Variants in SOX5 observed in about 807,000 individuals in gnomAD.
SOX5 encodes SRY-box transcription factor 5.
SOX5 carries 9 observed loss-of-function variants against 92.0 expected under a neutral mutation model. The ratio of observed to expected loss-of-function variants is 0.10; its 90% confidence interval spans 0.06 to 0.17. The LOEUF (loss-of-function observed/expected upper bound fraction) is 0.17, where lower values mean the gene tolerates loss of function less well. Among genes scored for constraint, SOX5 ranks in the 10% least tolerant of loss-of-function variants. The pLI is 1.00. For synonymous variants in SOX5, 344 were observed against 336.3 expected (o/e 1.02, Z -0.25); for missense variants, 642 against 944.5 (o/e 0.68, Z 4.20).
intron 7 of SOX5, among the ~76,000 whole-genome samples, chr12:23,658,335 T>A (rs2082580407): frequency 6.6e-6 from 1 of 152,314 alleles, no homozygotes; most frequent in African/African-American, 2.4e-5. Flanking sequence ...TGTCACCACA[T>A]AATTATGGAA....
At chr12:24,528,411 C>T (rs1950899360) in intron 1 of SOX5, among the ~76,000 whole-genome samples, 1 of 152,166 alleles carries the variant, frequency 6.6e-6, no homozygotes, top group Admixed American at 6.5e-5. Context: ...TAATTAGGAG[C>T]AGGGTGATTG....
chr12:24,140,714 G>A lies in SOX5; in HGVS notation c.-2+72629C>T, dbSNP rs117302993. 6.6e-5 allele frequency among the ~76,000 whole-genome samples: 10 copies of A among 152,162 alleles called. No homozygotes were observed. In the East Asian group the frequency reaches 9.7e-4, roughly 15 times the overall value. ...AAGATGTTAGAATCTTTCTAACAAC[G>A]TATGTATTTACTCCTAAACGGTCTA... On this transcript the variant is annotated intron_variant, in intron 4 of 4. Coordinates refer to the SOX5 transcript ENST00000446891.
intron 10 of SOX5, among the ~76,000 whole-genome samples, chr12:23,564,375 A>T (rs1040412506): frequency 6.6e-6 from 1 of 152,170 alleles, no homozygotes. Flanking sequence ...CTCTCTCCCT[A>T]TCTTTTAACT....
At position 23,534,502 on chromosome 12, in the gene SOX5, A is replaced by G; in HGVS notation, c.2009T>C (p.Ile670Thr). The G allele has an allele frequency of 6.2e-7, 1 of 1,613,100 alleles. No homozygotes were observed. Among genetic ancestry groups the G allele is most frequent in the Non-Finnish European group, 8.5e-7 (1 of 1,179,664 alleles). ...AGGGTACACAACACCAGCAGTGGCA[A>G]TGGGGATCTGTGCTTGTTGCCTGTC... Reference protein sequence around the residue: ...FNVGQQAQIPIATAGVVYPGA... With the variant: ...FNVGQQAQIPTATAGVVYPGA... Residue 670 changes from isoleucine to threonine, a missense_variant, in exon 15 of 15, where the codon ATT (isoleucine) becomes ACT (threonine). Ile to Thr is a moderately conservative substitution (Grantham distance 89, BLOSUM62 -1). Transcript: ENST00000451604.
intron 4 of SOX5, among the ~76,000 whole-genome samples, chr12:23,963,419 A>C (rs1464332445): frequency 6.6e-6 from 1 of 152,176 alleles, no homozygotes; most frequent in Non-Finnish European, 1.5e-5. Flanking sequence ...ACATATAATC[A>C]TGCTTTTCCC....
chr12:24,290,719 A>G (rs74530046), intron 2 of SOX5, among the ~76,000 whole-genome samples: 1,886 of 152,300 alleles, frequency 0.012, 35 homozygotes, highest in African/African-American at 0.041. Flanking sequence ...AGGGAGAGAT[A>G]TAAAAATAGA....
chr12:23,832,753 T>TA lies in SOX5; in HGVS notation c.481+13229_481+13230insT, dbSNP rs1303380437. ...AGCAAATTAAAGGCAAGTAAATATA[T>TA]TTTTTTACAACGTAAATTACAAGGT... On this transcript the variant is annotated intron_variant, in intron 3 of 14. Transcript: ENST00000451604. Among the ~76,000 whole-genome samples the TA allele has an allele frequency of 4.1e-5, 6 of 146,844 alleles. No homozygotes were observed. In the South Asian group the frequency reaches 1.2e-3, roughly 31 times the overall value.
chr12:24,463,096 T>C (rs1193838217), intron 1 of SOX5, among the ~76,000 whole-genome samples: 4 of 152,048 alleles, frequency 2.6e-5, no homozygotes, highest in South Asian at 2.1e-4. Context: ...GTGCATTCTG[T>C]AGTCCAGCTA....
chr12:23,766,957 T>A (rs530832219), intron 3 of SOX5, among the ~76,000 whole-genome samples: 1 of 152,132 alleles, frequency 6.6e-6, no homozygotes, highest in Non-Finnish European at 1.5e-5. Flanking sequence ...AACACACTTG[T>A]AATCCCAGCA....
intron 3 of SOX5, among the ~76,000 whole-genome samples, chr12:23,809,688 T>G (rs1183008099): frequency 1.3e-5 from 2 of 151,690 alleles, no homozygotes; most frequent in Non-Finnish European, 2.9e-5. Flanking sequence ...TTTTCCCTTT[T>G]TTAATGTGTA....
chr12:23,949,067 T>C (rs1945106683), intron 1 of SOX5, among the ~76,000 whole-genome samples: 1 of 152,152 alleles, frequency 6.6e-6, no homozygotes, highest in Non-Finnish European at 1.5e-5. Context: ...CAAAAGGTCA[T>C]GTGCTTTACT....
At position 24,289,280 on chromosome 12, in the gene SOX5, C is replaced by A. The variant is rs79588209; in HGVS notation, c.-173-11968G>T. On this transcript the variant is annotated intron_variant, in intron 2 of 4. Transcript: ENST00000446891. ...TGGGTGACACGGTGAGAACCTGTCT[C>A]AAAAAAAAAACAAAAACAAAAAAGA... Among the ~76,000 whole-genome samples the A allele has an allele frequency of 1.4e-4, 20 of 142,220 alleles. 1 individual carries two copies. The highest frequency in any genetic ancestry group is 6.7e-4 in the South Asian group (3 of 4,482). 93.3% of individuals were successfully genotyped at this position (142,220 alleles called of 152,430 possible).
At chr12:23,724,432 C>A (rs1000499970) in intron 6 of SOX5, among the ~76,000 whole-genome samples, 1 of 152,092 alleles carries the variant, frequency 6.6e-6, no homozygotes, top group Non-Finnish European at 1.5e-5. Context: ...CTTCTTCTTA[C>A]CAGTACAGTA....
intron 1 of SOX5, among the ~76,000 whole-genome samples, chr12:24,374,897 G>A (rs774406314): frequency 4.6e-5 from 7 of 152,216 alleles, no homozygotes; most frequent in Non-Finnish European, 7.3e-5. Context: ...AGGGTGACAC[G>A]CAATTAAAAG....
intron 3 of SOX5, among the ~76,000 whole-genome samples, chr12:23,802,784 T>C (rs777713795): frequency 6.6e-6 from 1 of 152,186 alleles, no homozygotes; most frequent in Non-Finnish European, 1.5e-5. Context: ...AAATACCCCA[T>C]ACGTAATTAT....
intron 8 of SOX5, among the ~76,000 whole-genome samples, chr12:23,639,327 T>C (rs1359083930): frequency 6.6e-6 from 1 of 152,052 alleles, no homozygotes; most frequent in African/African-American, 2.4e-5. Flanking sequence ...TCGAAGAGAG[T>C]CGTGCAATGA....
chr12:23,722,577 C>A (rs1455744167), intron 6 of SOX5, among the ~76,000 whole-genome samples: 5 of 152,262 alleles, frequency 3.3e-5, no homozygotes, highest in African/African-American at 1.2e-4. Flanking sequence ...CAAATTGTGA[C>A]CTTAACAACA....
At chr12:24,522,832 CT>C (rs1950376165) in intron 1 of SOX5, among the ~76,000 whole-genome samples, 1 of 152,060 alleles carries the variant, frequency 6.6e-6, no homozygotes, top group South Asian at 2.1e-4. Flanking sequence ...AAACTGAAAG[CT>C]TTTCCACTAA....
intron 6 of SOX5, among the ~76,000 whole-genome samples, chr12:23,715,739 G>A (rs989886906): frequency 3.4e-5 from 5 of 146,480 alleles, no homozygotes; most frequent in Non-Finnish European, 6.0e-5. Flanking sequence ...AGAAATATGA[G>A]TGGTAACACA....
Sources: gnomAD v4.1 joint callset for allele counts (sites outside exome capture counted in the v4.1 genomes callset) on GRCh38, gnomAD v4.1.1 for gene constraint, MANE v1.5 for transcripts, NCBI Gene and HGNC (gene_info 2026-07-23, HGNC 2026-07-21) for gene names.